AGAP1: variants seen among roughly 807,000 people sequenced by gnomAD.
The protein encoded by AGAP1 is arf-GAP with GTPase, ANK repeat and PH domain-containing protein 1.
In AGAP1, 29 loss-of-function variants were observed where a neutral mutation model predicts 105.3. The ratio of observed to expected loss-of-function variants is 0.28; its 90% CI spans 0.21 to 0.38. AGAP1 has a LOEUF of 0.38. AGAP1 is among the 10% of genes least tolerant of loss of function. The pLI, the probability that AGAP1 is intolerant of heterozygous loss-of-function variation, is 1.00. For synonymous variants in AGAP1, 509 were observed against 485.9 expected (o/e 1.05, Z -0.63); for missense variants, 998 against 1,165.1 (o/e 0.86, Z 2.09).
intron 1 of AGAP1, among the ~76,000 whole-genome samples, chr2:235,704,538 C>T (rs972232761): frequency 4.6e-5 from 7 of 152,108 alleles, no homozygotes; most frequent in African/African-American, 1.4e-4. Context: ...CCCAGCTACT[C>T]GAGAGGCTGA....
intron 9 of AGAP1, chr2:235,852,775 G>C (rs1398186973): frequency 8.9e-6 from 13 of 1,453,502 alleles, no homozygotes; most frequent in Non-Finnish European, 1.1e-5. Context: ...CCTGGCCAGG[G>C]CCGAGGGGTG....
chr2:235,862,740 G>T (rs983560824), intron 9 of AGAP1, among the ~76,000 whole-genome samples: 32 of 152,146 alleles, frequency 2.1e-4, no homozygotes, highest in African/African-American at 7.7e-4. Flanking sequence ...TGTCTGAATT[G>T]CCTTCACAGA....
At chr2:235,858,017 C>T (rs556581658) in intron 9 of AGAP1, among the ~76,000 whole-genome samples, 3 of 152,210 alleles carry the variant, frequency 2.0e-5, no homozygotes, top group African/African-American at 4.8e-5. Context: ...TACACCATGA[C>T]GGTACAGCAT....
intron 10 of AGAP1, among the ~76,000 whole-genome samples, chr2:235,907,162 T>G (rs760634897): frequency 6.6e-6 from 1 of 152,238 alleles, no homozygotes; most frequent in Admixed American, 6.5e-5. Flanking sequence ...AGACAGAGGC[T>G]TCCGACCCTT....
rs1943800532 is a variant in AGAP1 at position 235,551,307 on chromosome 2, A to G, written c.163+56458A>G. 6.7e-6 allele frequency among the ~76,000 whole-genome samples: 1 copy of G among 149,834 alleles called. No homozygotes were observed. The highest frequency in any genetic ancestry group is 1.5e-5 in the Non-Finnish European group (1 of 67,906). On this transcript the variant is annotated intron_variant, in intron 1 of 17. Coordinates refer to ENST00000304032, the MANE Select transcript of AGAP1 (RefSeq NM_001037131.3). This position sits in a 1 kb window ranked among gnomAD's most constrained non-coding sequence, Gnocchi z 4.8. Reference sequence around the variant, plus strand: ...GAAAGGGTGAGGAGAGAGGGGCTAGACAGATTTTTTTTTTTGAGACAAGGT... The same window carrying G: ...GAAAGGGTGAGGAGAGAGGGGCTAGGCAGATTTTTTTTTTTGAGACAAGGT...
chr2:235,908,716 G>A lies in AGAP1; in HGVS notation c.1156-22G>A. 6.4e-7 allele frequency: 1 copy of A among 1,556,858 alleles called. No homozygotes were observed. Among genetic ancestry groups the A allele is most frequent in the Non-Finnish European group, 8.7e-7 (1 of 1,149,380 alleles). ...TCTTTTTTTTTTTTTTATCTCTCTT[G>A]GATGTTTAACATTTTCAACAGGATT... is the stretch of plus-strand genomic sequence containing the variant. On this transcript the variant is annotated intron_variant, in intron 10 of 17. Coordinates refer to ENST00000304032, the MANE Select transcript of AGAP1 (RefSeq NM_001037131.3). This position sits in a 1 kb window ranked among gnomAD's most constrained non-coding sequence, Gnocchi z 4.4.
At position 235,807,349 on chromosome 2, in the gene AGAP1, C is replaced by A; in HGVS notation, c.1050+18C>A. ...TTAAACAGGTGAGCAGCCTCCCCAT[C>A]CTTCCCTCCCTGTCGCCGGAGATAC... is the stretch of plus-strand genomic sequence containing the variant. On this transcript the variant is annotated intron_variant, in intron 9 of 17. Coordinates refer to ENST00000304032, the MANE Select transcript of AGAP1 (RefSeq NM_001037131.3). 6.4e-7 allele frequency: 1 copy of A among 1,569,002 alleles called. No individual in the cohort carries two copies. Among genetic ancestry groups the A allele is most frequent in the Admixed American group, 2.2e-5 (1 of 46,026 alleles).
intron 1 of AGAP1, among the ~76,000 whole-genome samples, chr2:235,592,068 A>G (rs1945360994): frequency 6.6e-6 from 1 of 152,214 alleles, no homozygotes; most frequent in South Asian, 2.1e-4. Flanking sequence ...CAACGCAAGA[A>G]CAGACTCACA....
In AGAP1 at chr2:235,683,473, A is replaced by C. The variant is rs1418570611; in HGVS notation, c.164-25706A>C. 1.3e-5 allele frequency among the ~76,000 whole-genome samples: 2 copies of C among 150,430 alleles called. 1 individual carries two copies. ...ATTTATAAATATTATACAATACTTA[A>C]TACATATTATATTTAATATTAATAA... On this transcript the variant is annotated intron_variant, in intron 1 of 17. Transcript: ENST00000304032.
chr2:235,544,283 G>A (rs551730430), intron 1 of AGAP1, among the ~76,000 whole-genome samples: 2 of 152,296 alleles, frequency 1.3e-5, no homozygotes, highest in South Asian at 4.1e-4. Context: ...GGAGCCAGCA[G>A]ACTCCCTCTT....
intron 11 of AGAP1, among the ~76,000 whole-genome samples, chr2:235,918,094 G>A (rs200586024): frequency 6.6e-6 from 1 of 152,218 alleles, no homozygotes; most frequent in East Asian, 1.9e-4. Flanking sequence ...CCTGTCCCCT[G>A]CCGGCATGCG....
intron 1 of AGAP1, among the ~76,000 whole-genome samples, chr2:235,515,381 C>G (rs1464038473): frequency 6.6e-6 from 1 of 152,088 alleles, no homozygotes; most frequent in East Asian, 1.9e-4. Flanking sequence ...CAGGGGAGGC[C>G]TTTCATGGAC....
chr2:235,690,696 G>A lies in AGAP1; in HGVS notation c.164-18483G>A, dbSNP rs916860593. 2.0e-5 allele frequency among the ~76,000 whole-genome samples: 3 copies of A among 152,172 alleles called. No individual in the cohort carries two copies. Among genetic ancestry groups the A allele is most frequent in the African/African-American group, 7.2e-5 (3 of 41,442 alleles). ...TGTTTGAAGGAGCTCTTTGGAAAGA[G>A]GTGCAGGCTTCCGGCTATTGGTAGA... On this transcript the variant is annotated intron_variant, in intron 1 of 17. Coordinates refer to ENST00000304032, the MANE Select transcript of AGAP1 (RefSeq NM_001037131.3). This position sits in a 1 kb window ranked among gnomAD's most constrained non-coding sequence, Gnocchi z 4.1.
chr2:235,704,828 T>C (rs1240710662), intron 1 of AGAP1, among the ~76,000 whole-genome samples: 1 of 152,144 alleles, frequency 6.6e-6, no homozygotes, highest in Non-Finnish European at 1.5e-5. Context: ...CTTTCCCAAG[T>C]GTCCCGCTGT....
chr2:235,974,016 A>G (rs760819917), intron 13 of AGAP1, among the ~76,000 whole-genome samples: 6 of 152,160 alleles, frequency 3.9e-5, no homozygotes, highest in Admixed American at 6.5e-5. Context: ...TGAGGTTGTC[A>G]TTGCTAAAAT....
intron 12 of AGAP1, among the ~76,000 whole-genome samples, chr2:235,966,304 G>C (rs1025569379): frequency 1.3e-5 from 2 of 151,456 alleles, no homozygotes; most frequent in Non-Finnish European, 3.0e-5. Flanking sequence ...ATGGAGAAGA[G>C]GGGGGCCTGT....
chr2:235,945,510 C>T (rs1336342466), intron 12 of AGAP1, among the ~76,000 whole-genome samples: 1 of 152,174 alleles, frequency 6.6e-6, no homozygotes, highest in Admixed American at 6.5e-5. Context: ...TACAAATCTG[C>T]CTTTTTCTTC....
rs150810431 is a variant in AGAP1 at position 236,055,252 on chromosome 2, A to G, written c.2114+5971A>G. Among the ~76,000 whole-genome samples, 272 of 152,324 alleles carry G rather than the reference A, an allele frequency of 1.8e-3. 1 individual carries two copies. Among genetic ancestry groups the G allele is most frequent in the African/African-American group, 6.3e-3 (264 of 41,578 alleles). ...ACTCCGGCGATCAGAGTTAACAATT[A>G]TAGCAAGGACAGTTTAACTTTCTTC... On this transcript the variant is annotated intron_variant, in intron 16 of 17. Transcript: ENST00000304032. The surrounding 1 kb of genome is among the most constrained non-coding windows in gnomAD (Gnocchi z 6.2).
At position 236,126,865 on chromosome 2, in the gene AGAP1, G is replaced by C. The variant is rs535704404; in HGVS notation, c.*2743G>C. On this transcript the variant is annotated 3_prime_UTR_variant, in exon 18 of 18. Coordinates refer to ENST00000304032, the MANE Select transcript of AGAP1 (RefSeq NM_001037131.3). ...TCCTTTCTTTGCGGACCGCACTCTC[G>C]TTCCCACTTTCAAGCTAATTACCAC... 2.0e-5 allele frequency: 3 copies of C among 152,196 alleles called. No homozygotes were observed. The highest frequency in any genetic ancestry group is 2.1e-4 in the South Asian group (1 of 4,832). The allele number at this position is 152,196 out of a possible 1,614,324, so 9.4% of individuals were successfully genotyped here.
Sources: gnomAD v4.1 joint callset for allele counts (sites outside exome capture counted in the v4.1 genomes callset) on GRCh38, gnomAD v4.1.1 for gene constraint, Gnocchi (gnomAD v3.1) non-coding constraint, MANE v1.5 for transcripts, NCBI Gene and HGNC (gene_info 2026-07-23, HGNC 2026-07-21) for gene names.